CELF5: variants seen among roughly 807,000 people sequenced by gnomAD.
CELF5 encodes CUG-BP and ETR-3 like factor 5.
A neutral mutation model predicts 54.9 loss-of-function variants in CELF5; 6 were observed. The observed-to-expected ratio is 0.11, with a 90% CI of 0.06 to 0.22. The LOEUF is 0.22. Among genes scored for constraint, CELF5 ranks in the 10% least tolerant of loss-of-function variants. CELF5 has a pLI of 1.00. For missense variants in CELF5, 401 were observed against 678.6 expected (o/e 0.59, Z 4.54); for synonymous variants, 271 against 290.9 (o/e 0.93, Z 0.70).
intron 2 of CELF5, among the ~76,000 whole-genome samples, chr19:3,259,816 C>T (rs1453784975): frequency 2.0e-5 from 3 of 151,776 alleles, no homozygotes; most frequent in Admixed American, 1.3e-4. Context: ...AGGCCAGGGA[C>T]GCTACTCAGC....
chr19:3,288,162 G>A (rs971843428), intron 10 of CELF5, among the ~76,000 whole-genome samples: 3 of 152,128 alleles, frequency 2.0e-5, no homozygotes, highest in African/African-American at 4.8e-5. Flanking sequence ...AGCAGTGCAC[G>A]AACAAATGCA....
chr19:3,293,735 G>T, intron 12 of CELF5: 1 of 355,780 alleles, frequency 2.8e-6, no homozygotes. Flanking sequence ...AGTGAGGTCG[G>T]TTAGGGAATC....
intron 1 of CELF5, among the ~76,000 whole-genome samples, chr19:3,227,536 G>C (rs967569237): frequency 6.6e-6 from 1 of 152,086 alleles, no homozygotes; most frequent in Non-Finnish European, 1.5e-5. Context: ...ACTGGGCACA[G>C]GAGATCTGTA....
chr19:3,288,392 C>T (rs2080288023), intron 10 of CELF5, among the ~76,000 whole-genome samples: 1 of 151,958 alleles, frequency 6.6e-6, no homozygotes, highest in South Asian at 2.1e-4. Flanking sequence ...CGTGGTGACG[C>T]ATGCCTGTAA....
intron 5 of CELF5, among the ~76,000 whole-genome samples, chr19:3,280,853 G>A (rs2080137770): frequency 6.6e-6 from 1 of 152,190 alleles, no homozygotes; most frequent in Non-Finnish European, 1.5e-5. Flanking sequence ...TCTCAGGTGA[G>A]CGGAAGTCAT....
intron 2 of CELF5, among the ~76,000 whole-genome samples, chr19:3,254,586 C>T (rs1286830132): frequency 1.3e-5 from 2 of 151,676 alleles, no homozygotes; most frequent in East Asian, 3.9e-4. Flanking sequence ...TTCATCCATC[C>T]ATCCATCCAT....
intron 4 of CELF5, 76 bp from the exon 5 acceptor site, chr19:3,277,955 C>A: frequency 9.0e-7 from 1 of 1,115,224 alleles, no homozygotes; most frequent in Non-Finnish European, 1.4e-6. Context: ...GTCTCTGTGT[C>A]CCCTCTCCTG....
At chr19:3,274,012 G>C in intron 3 of CELF5, 89 bp downstream of exon 3, 1 of 1,364,538 alleles carries the variant, frequency 7.3e-7, no homozygotes, top group East Asian at 2.3e-5. Flanking sequence ...TCCTGCAAAA[G>C]GGGCAGTGGC....
In CELF5 at chr19:3,230,031, T is replaced by C. The variant is rs531284214; in HGVS notation, c.259+5033T>C. 8.5e-5 allele frequency among the ~76,000 whole-genome samples: 13 copies of C among 152,288 alleles called. No individual in the cohort carries two copies. The South Asian group carries it at 2.5e-3, about 29-fold the overall frequency. On this transcript the variant is annotated intron_variant, in intron 1 of 12. Transcript: ENST00000292672. ...GTGTCTCTCTCTTTCACCCCTCAAA[T>C]TGGCAAGTGAGGCCTTGGCCATTGG...
chr19:3,257,828 T>C (rs1007473424), intron 2 of CELF5, among the ~76,000 whole-genome samples: 8 of 142,468 alleles, frequency 5.6e-5, no homozygotes, highest in Non-Finnish European at 1.1e-4. Flanking sequence ...TTTATTTATT[T>C]ATTTATTTGA....
Position 3,275,755 on chromosome 19 carries a change from C to A in CELF5, c.395-101C>A. 7.5e-7 allele frequency: 1 copy of A among 1,326,208 alleles called. No homozygotes were observed. Among genetic ancestry groups the A allele is most frequent in the Non-Finnish European group, 1.0e-6 (1 of 994,994 alleles). The allele number at this position is 1,326,208 out of a possible 1,614,324, so 82.2% of individuals were successfully genotyped here. On this transcript the variant is annotated intron_variant, in intron 3 of 12. Coordinates refer to ENST00000292672, the MANE Select transcript of CELF5 (RefSeq NM_021938.4). This position sits in a 1 kb window ranked among gnomAD's most constrained non-coding sequence, Gnocchi z 6.7. ...AGCCGGCAGGGCCCGGGCGCCGCGTCTTCCTGCCCTGCCGCCTCCACTCTG... is the reference window on the plus strand; with the variant it reads ...AGCCGGCAGGGCCCGGGCGCCGCGTATTCCTGCCCTGCCGCCTCCACTCTG...
At chr19:3,265,117 G>C (rs2079863910) in intron 2 of CELF5, among the ~76,000 whole-genome samples, 1 of 152,156 alleles carries the variant, frequency 6.6e-6, no homozygotes, top group Admixed American at 6.5e-5. Flanking sequence ...CCAGAGGATT[G>C]CTTGAGCCCA....
chr19:3,267,587 C>G (rs1411449076), intron 2 of CELF5, among the ~76,000 whole-genome samples: 1 of 152,204 alleles, frequency 6.6e-6, no homozygotes, highest in Admixed American at 6.5e-5. Flanking sequence ...AGCTTCTGTC[C>G]CTTGGCCAGT....
chr19:3,296,178 G>C (rs2080440502), intron 12 of CELF5: 1 of 127,374 alleles, frequency 7.9e-6, no homozygotes, highest in South Asian at 2.7e-4. Flanking sequence ...GGGTGGGGTG[G>C]GGTGTCTTTG....
intron 2 of CELF5, among the ~76,000 whole-genome samples, chr19:3,272,979 TATC>T (rs886890561): frequency 2.0e-5 from 3 of 152,104 alleles, no homozygotes; most frequent in African/African-American, 7.2e-5. Context: ...TTTCATTAAA[TATC>T]ATTTTCAATG....
chr19:3,272,044 G>A (rs1045272794), intron 2 of CELF5, among the ~76,000 whole-genome samples: 1 of 152,216 alleles, frequency 6.6e-6, no homozygotes, highest in African/African-American at 2.4e-5. Context: ...TCTCTCTGAA[G>A]CTTGTTGGGC....
chr19:3,226,756 CTCT>C (rs1054748426), intron 1 of CELF5, among the ~76,000 whole-genome samples: 1 of 150,810 alleles, frequency 6.6e-6, no homozygotes, highest in Non-Finnish European at 1.5e-5. Flanking sequence ...ATCCTGGTGA[CTCT>C]TCTTCATCTT....
chr19:3,273,984 A>G, intron 3 of CELF5, 61 bp downstream of exon 3: 1 of 1,514,940 alleles, frequency 6.6e-7, no homozygotes, highest in Non-Finnish European at 9.2e-7. Context: ...GAAGAAGGAA[A>G]ATCTCTTCCT....
At chr19:3,226,758 C>A (rs1204320764) in intron 1 of CELF5, among the ~76,000 whole-genome samples, 2 of 150,172 alleles carry the variant, frequency 1.3e-5, no homozygotes, top group African/African-American at 4.9e-5. Context: ...CCTGGTGACT[C>A]TTCTTCATCT....
Sources: allele counts gnomAD v4.1 joint callset (sites outside exome capture counted in the v4.1 genomes callset), GRCh38; gene constraint gnomAD v4.1.1; non-coding constraint Gnocchi (gnomAD v3.1); transcripts MANE v1.5; gene names NCBI Gene and HGNC (gene_info 2026-07-23, HGNC 2026-07-21).